Variants in SLC16A1 observed in about 807,000 individuals in gnomAD.
SLC16A1 encodes monocarboxylate transporter 1.
In SLC16A1, 11 loss-of-function variants were observed where a neutral mutation model predicts 32.2. The observed-to-expected ratio is 0.34, with a 90% CI of 0.21 to 0.56. SLC16A1 has a LOEUF of 0.56. Ranked by LOEUF, SLC16A1 falls within the 20% of genes least tolerant of loss-of-function variation. The probability of loss-of-function intolerance (pLI) is 0.87; values close to 1 mark genes in which losing one functional copy is unlikely to be tolerated. For synonymous variants in SLC16A1, 231 were observed against 226.8 expected (o/e 1.02, Z -0.17); for missense variants, 435 against 615.0 (o/e 0.71, Z 3.10).
At chr1:112,915,383 T>C (rs1648465822) in intron 4 of SLC16A1, among the ~76,000 whole-genome samples, 2 of 151,700 alleles carry the variant, frequency 1.3e-5, no homozygotes, top group Non-Finnish European at 2.9e-5. Flanking sequence ...GAGAGCATGG[T>C]GTGTGAGGGG....
intron 2 of SLC16A1, among the ~76,000 whole-genome samples, chr1:112,926,224 T>C (rs912678183): frequency 6.6e-6 from 1 of 152,178 alleles, no homozygotes; most frequent in African/African-American, 2.4e-5. Flanking sequence ...AAGATAAGCA[T>C]GTTAAGAAGG....
At position 112,917,252 on chromosome 1, in the gene SLC16A1, TGGGGTCCAACAAGGTCCATC is replaced by T; in HGVS notation, c.1134_1153del (p.Met379GlufsTer29). 1.2e-6 allele frequency: 2 copies of T among 1,614,176 alleles called. No individual in the cohort carries two copies. The highest frequency in any genetic ancestry group is 1.7e-6 in the Non-Finnish European group (2 of 1,180,034). On this transcript the variant is annotated frameshift_variant, in exon 4 of 5. Transcript: ENST00000369626. LOFTEE classifies it high-confidence loss of function. This position sits in a 1 kb window ranked among gnomAD's most constrained non-coding sequence, Gnocchi z 4.1. ...CAATCCCACAGCGCTGGAGAACCTC[TGGGGTCCAACAAGGTCCATC>T]AATGTTTCAAACAATACGGAGCTGA...
rs1159286817 is a variant in SLC16A1 at position 112,923,972 on chromosome 1, G to A, written c.218-1839C>T. On this transcript the variant is annotated intron_variant, in intron 2 of 4. Coordinates refer to ENST00000369626, the MANE Select transcript of SLC16A1 (RefSeq NM_003051.4). Reference sequence around the variant, plus strand: ...TGGCTGGGGACCTGCTGACTGGCAAGTACAAGTATAAGGACAAGGACAGGA... The same window carrying A: ...TGGCTGGGGACCTGCTGACTGGCAAATACAAGTATAAGGACAAGGACAGGA... 42 of 1,475,512 alleles carry A rather than the reference G, an allele frequency of 2.8e-5. No homozygotes were observed. In the East Asian group the frequency reaches 8.8e-4, roughly 31 times the overall value. The allele number at this position is 1,475,512 out of a possible 1,614,324, so 91.4% of individuals were successfully genotyped here. A position where few individuals can be genotyped will look rare whatever the true frequency, so the allele number is the denominator to read the frequency against.
chr1:112,939,186 C>T (rs748747919), intron 1 of SLC16A1, among the ~76,000 whole-genome samples: 5 of 152,040 alleles, frequency 3.3e-5, no homozygotes, highest in Admixed American at 6.6e-5. Flanking sequence ...CCACCGTGCC[C>T]GGCCAACGTA....
At chr1:112,923,973 T>A in intron 2 of SLC16A1, 5 of 1,474,332 alleles carry the variant, frequency 3.4e-6, no homozygotes, top group Non-Finnish European at 4.7e-6. Flanking sequence ...GACTGGCAAG[T>A]ACAAGTATAA....
At chr1:112,923,659 G>A in intron 2 of SLC16A1, 3 of 1,494,064 alleles carry the variant, frequency 2.0e-6, no homozygotes, top group South Asian at 1.1e-5. Flanking sequence ...TGGCTGCAGT[G>A]TCCCCGAGTG....
chr1:112,940,866 C>T (rs769744015), intron 1 of SLC16A1, among the ~76,000 whole-genome samples: 1 of 152,122 alleles, frequency 6.6e-6, no homozygotes, highest in East Asian at 1.9e-4. Context: ...CTTTCCTTTA[C>T]GAGTTCTTTA....
At chr1:112,930,750 A>G (rs1328295479) in intron 1 of SLC16A1, among the ~76,000 whole-genome samples, 1 of 146,586 alleles carries the variant, frequency 6.8e-6, no homozygotes, top group Admixed American at 6.8e-5. Flanking sequence ...TTTGAGACAG[A>G]GTCTCACTCT....
At chr1:112,946,745 G>T (rs1649716402) in intron 1 of SLC16A1, among the ~76,000 whole-genome samples, 1 of 152,134 alleles carries the variant, frequency 6.6e-6, no homozygotes, top group African/African-American at 2.4e-5. Context: ...GTAGAAAGGG[G>T]TTTCGCCATG....
intron 1 of SLC16A1, among the ~76,000 whole-genome samples, chr1:112,953,153 CTTTTTTTTT>C (rs55766100): frequency 7.7e-6 from 1 of 130,196 alleles, no homozygotes; most frequent in African/African-American, 2.8e-5. Flanking sequence ...ACTGAAAATC[CTTTTTTTTT>C]TTTTTTTTTT....
At chr1:112,944,088 G>T (rs1649604665) in intron 1 of SLC16A1, among the ~76,000 whole-genome samples, 1 of 152,152 alleles carries the variant, frequency 6.6e-6, no homozygotes, top group African/African-American at 2.4e-5. Context: ...TTGAGAAGGG[G>T]AGTTAATATG....
chr1:112,920,956 T>C (rs1344339078), intron 3 of SLC16A1, among the ~76,000 whole-genome samples: 1 of 151,858 alleles, frequency 6.6e-6, no homozygotes, highest in South Asian at 2.1e-4. Context: ...ACTAATGCGA[T>C]GAAACCCCGT....
chr1:112,925,376 C>T (rs1026770412), intron 2 of SLC16A1, among the ~76,000 whole-genome samples: 4 of 141,980 alleles, frequency 2.8e-5, no homozygotes, highest in Admixed American at 1.4e-4. Flanking sequence ...TGTCAAGTGG[C>T]CTTTCTTTTT....
chr1:112,914,656 C>A (rs1648440202), intron 4 of SLC16A1, among the ~76,000 whole-genome samples: 1 of 152,170 alleles, frequency 6.6e-6, no homozygotes, highest in Non-Finnish European at 1.5e-5. Context: ...TTATAACAGG[C>A]AGATTCTATT....
intron 3 of SLC16A1, among the ~76,000 whole-genome samples, chr1:112,920,845 T>C (rs1648699344): frequency 6.6e-6 from 1 of 151,528 alleles, no homozygotes; most frequent in Non-Finnish European, 1.5e-5. Context: ...TTTAACAAAA[T>C]TCAACATCAG....
At chr1:112,937,477 GCCACCACC>G (rs1407817320) in intron 1 of SLC16A1, among the ~76,000 whole-genome samples, 1 of 151,988 alleles carries the variant, frequency 6.6e-6, no homozygotes, top group Non-Finnish European at 1.5e-5. Context: ...ACACAATTCT[GCCACCACC>G]TGACAAATGG....
chr1:112,947,863 A>G (rs1158048990), intron 1 of SLC16A1, among the ~76,000 whole-genome samples: 1 of 152,196 alleles, frequency 6.6e-6, no homozygotes, highest in Non-Finnish European at 1.5e-5. Context: ...GAGTATTAAA[A>G]TTGAGTACTC....
At chr1:112,939,854 A>C (rs1231375155) in intron 1 of SLC16A1, among the ~76,000 whole-genome samples, 1 of 151,950 alleles carries the variant, frequency 6.6e-6, no homozygotes, top group African/African-American at 2.4e-5. Context: ...CATCATTCTA[A>C]ACAAAAACTC....
chr1:112,950,351 G>A (rs763347997), intron 1 of SLC16A1, among the ~76,000 whole-genome samples: 1 of 152,190 alleles, frequency 6.6e-6, no homozygotes, highest in Non-Finnish European at 1.5e-5. Flanking sequence ...ACACACCACA[G>A]CAGTGTATAG....
Sources: gnomAD v4.1 joint callset for allele counts (sites outside exome capture counted in the v4.1 genomes callset) on GRCh38, gnomAD v4.1.1 for gene constraint, Gnocchi (gnomAD v3.1) non-coding constraint, MANE v1.5 for transcripts, NCBI Gene and HGNC (gene_info 2026-07-23, HGNC 2026-07-21) for gene names.